The following ANO4 variants were observed in gnomAD, a reference collection of about 807,000 sequenced individuals.
The protein encoded by ANO4 is anoctamin 4, also known as anoctamin-4.
Under a neutral mutation model 141.9 loss-of-function variants are expected in ANO4, and 69 were observed. The ratio of observed to expected loss-of-function variants is 0.49; its 90% CI spans 0.40 to 0.59. ANO4 has a LOEUF of 0.59. ANO4 is among the 20% of genes least tolerant of loss of function. The pLI is 0.00. For missense variants in ANO4, 894 were observed against 1,162.2 expected, an observed-to-expected ratio of 0.77 and a Z score of 3.36; for synonymous variants, 350 against 394.3, an observed-to-expected ratio of 0.89 and a Z score of 1.33.
chr12:101,100,047 C>G (rs1221369259), intron 22 of ANO4, among the ~76,000 whole-genome samples: 1 of 152,054 alleles, frequency 6.6e-6, no homozygotes, highest in Admixed American at 6.6e-5. Context: ...TCTCAGTTTC[C>G]TCATCTCTAA....
intron 10 of ANO4, among the ~76,000 whole-genome samples, chr12:101,039,479 T>A (rs992204187): frequency 4.6e-5 from 7 of 152,196 alleles, no homozygotes; most frequent in Non-Finnish European, 1.0e-4. Context: ...CACTCCAGCC[T>A]GGGCAACAGA....
Position 100,801,047 on chromosome 12 carries a change from CTGT to C in ANO4, c.-141+6025_-141+6027del, listed in dbSNP as rs544837467. Among the ~76,000 whole-genome samples the C allele has an allele frequency of 7.2e-5, 11 of 152,268 alleles. No homozygotes were observed. In the South Asian group the frequency reaches 1.7e-3, roughly 23 times the overall value. On this transcript the variant is annotated intron_variant, in intron 1 of 27. Transcript: ENST00000392977. Reference sequence around the variant, plus strand: ...CAGAGCTGAGCTAGGTATACTATCTCTGTTGTTCTGTATCCCTCAGGACCTTAC... The same window carrying C: ...CAGAGCTGAGCTAGGTATACTATCTCTGTTCTGTATCCCTCAGGACCTTAC...
At position 101,095,860 on chromosome 12, in the gene ANO4, C is replaced by T. The variant is rs117366967; in HGVS notation, c.1739-676C>T. Among the ~76,000 whole-genome samples, 830 of 152,222 alleles carry T rather than the reference C, an allele frequency of 5.5e-3. 2 individuals carry two copies. The highest frequency in any genetic ancestry group is 0.01 in the Middle Eastern group (3 of 294). Reference sequence around the variant, plus strand: ...AAATGGATCCATGTTTTGGTTCACACCATTATGTCCAGAGAACATTTGCTT... The same window carrying T: ...AAATGGATCCATGTTTTGGTTCACATCATTATGTCCAGAGAACATTTGCTT... On this transcript the variant is annotated intron_variant, in intron 18 of 27. Transcript: ENST00000392977.
At chr12:101,067,743 G>T (rs1434967445) in intron 14 of ANO4, among the ~76,000 whole-genome samples, 1 of 152,196 alleles carries the variant, frequency 6.6e-6, no homozygotes, top group East Asian at 1.9e-4. Context: ...ATTCTTGGCT[G>T]CAGGAACAGA....
intron 1 of ANO4, among the ~76,000 whole-genome samples, chr12:100,891,291 A>G (rs1353337592): frequency 6.6e-6 from 1 of 152,232 alleles, no homozygotes; most frequent in Non-Finnish European, 1.5e-5. Context: ...ATTCATGCGC[A>G]GGTTTCTGTG....
intron 1 of ANO4, among the ~76,000 whole-genome samples, chr12:100,880,832 GA>G (rs1366453927): frequency 2.0e-5 from 3 of 152,110 alleles, no homozygotes; most frequent in Admixed American, 6.6e-5. Flanking sequence ...TAGTCTGTCT[GA>G]TCTTTGAAGA....
rs1183001613 is a variant in ANO4, at chr12:100,834,786, C to T, written c.-141+39759C>T. Among the ~76,000 whole-genome samples, 6 of 152,124 alleles carry T rather than the reference C, an allele frequency of 3.9e-5. No homozygotes were observed. The South Asian group carries it at 1.2e-3, about 32-fold the overall frequency. On this transcript the variant is annotated intron_variant, in intron 1 of 27. Transcript: ENST00000392977. ...TAAAAAGTGATTGGAGAAGGTCTCA[C>T]TAACTAAGGAGGGGACATTTGAACA...
At chr12:100,759,775 T>C (rs2135522143) in intron 3 of ANO4, among the ~76,000 whole-genome samples, 1 of 152,376 alleles carries the variant, frequency 6.6e-6, no homozygotes, top group South Asian at 2.1e-4. Flanking sequence ...ACCCAGTGTC[T>C]ATTGCTAACC....
At chr12:101,052,821 C>G (rs1472215569) in intron 14 of ANO4, among the ~76,000 whole-genome samples, 1 of 152,166 alleles carries the variant, frequency 6.6e-6, no homozygotes, top group Admixed American at 6.5e-5. Context: ...ACATAGGATA[C>G]CTCATCAATT....
At chr12:100,755,325 G>A (rs144986371) in intron 3 of ANO4, among the ~76,000 whole-genome samples, 6 of 152,188 alleles carry the variant, frequency 3.9e-5, no homozygotes, top group Admixed American at 6.5e-5. Context: ...TTCAGATGCC[G>A]ATTCCTCCTC....
chr12:100,760,505 T>C (rs1324845296), intron 3 of ANO4, among the ~76,000 whole-genome samples: 1 of 152,190 alleles, frequency 6.6e-6, no homozygotes, highest in East Asian at 1.9e-4. Flanking sequence ...GTGTCCAACC[T>C]CTCTGATCTT....
chr12:100,883,061 A>G (rs1204304217), intron 1 of ANO4, among the ~76,000 whole-genome samples: 1 of 152,164 alleles, frequency 6.6e-6, no homozygotes, highest in African/African-American at 2.4e-5. Flanking sequence ...ACAATCGTTT[A>G]TGGAAAAGCC....
chr12:100,869,091 C>T (rs79972620), intron 1 of ANO4, among the ~76,000 whole-genome samples: 1,621 of 152,250 alleles, frequency 0.011, 46 homozygotes, highest in East Asian at 0.099. Flanking sequence ...ATTACTGATG[C>T]CACTCCCTGG....
intron 3 of ANO4, among the ~76,000 whole-genome samples, chr12:100,741,936 T>A (rs967585098): frequency 6.6e-6 from 1 of 152,180 alleles, no homozygotes; most frequent in Admixed American, 6.5e-5. Context: ...CATTTTATCA[T>A]GGTTCCCTTA....
chr12:101,020,159 TAACA>T lies in ANO4; in HGVS notation c.841+23_841+26del. 6.6e-7 allele frequency: 1 copy of T among 1,525,010 alleles called. No individual in the cohort carries two copies. Among genetic ancestry groups the T allele is most frequent in the Non-Finnish European group, 9.1e-7 (1 of 1,103,648 alleles). 94.5% of individuals were successfully genotyped at this position (1,525,010 alleles called of 1,614,324 possible). On this transcript the variant is annotated intron_variant, in intron 9 of 27. Coordinates refer to ENST00000392977, the MANE Select transcript of ANO4 (RefSeq NM_001286615.2). ...AAGATTGGTAAGTAGTATGTTAGTA[TAACA>T]AACTACATTTGGCATTTGGGAATTA...
At chr12:100,927,368 C>T (rs645615) in intron 3 of ANO4, among the ~76,000 whole-genome samples, 23 of 152,050 alleles carry the variant, frequency 1.5e-4, no homozygotes, top group African/African-American at 5.5e-4. Flanking sequence ...AAGATTCAAA[C>T]CCTCCATCCA....
At chr12:100,835,204 C>T (rs2036842868) in intron 1 of ANO4, among the ~76,000 whole-genome samples, 1 of 152,140 alleles carries the variant, frequency 6.6e-6, no homozygotes, top group Non-Finnish European at 1.5e-5. Context: ...TGTCTGTGAG[C>T]TCTTTGAGGG....
intron 8 of ANO4, among the ~76,000 whole-genome samples, chr12:100,988,894 A>C: frequency 6.6e-6 from 1 of 150,760 alleles, no homozygotes; most frequent in Non-Finnish European, 1.5e-5. Flanking sequence ...AAAAAGAAAG[A>C]AAAACAAAAA....
chr12:100,960,260 G>GCACA (rs56705970), intron 5 of ANO4, among the ~76,000 whole-genome samples: 21,686 of 149,930 alleles, frequency 0.14, 1,739 homozygotes, highest in East Asian at 0.4. Flanking sequence ...TCACACACAC[G>GCACA]CACACACACA....
Sources: gnomAD v4.1 joint callset for allele counts (sites outside exome capture counted in the v4.1 genomes callset) on GRCh38, gnomAD v4.1.1 for gene constraint, MANE v1.5 for transcripts, NCBI Gene and HGNC (gene_info 2026-07-23, HGNC 2026-07-21) for gene names.